The following GRIK2 variants were observed in gnomAD, a reference collection of about 807,000 sequenced individuals.
GRIK2 encodes glutamate ionotropic receptor kainate type subunit 2.
GRIK2 carries 32 observed loss-of-function variants against 100.3 expected under a neutral mutation model. The ratio of observed to expected loss-of-function variants is 0.32; its 90% confidence interval spans 0.24 to 0.43. GRIK2 has a LOEUF of 0.43. Among genes scored for constraint, GRIK2 ranks in the 20% least tolerant of loss-of-function variants. The probability of loss-of-function intolerance (pLI) is 1.00; values close to 1 mark genes in which losing one functional copy is unlikely to be tolerated. For missense variants in GRIK2, 843 were observed against 1,114.9 expected (o/e 0.76, Z 3.47); for synonymous variants, 417 against 389.4 (o/e 1.07, Z -0.83).
intron 7 of GRIK2, among the ~76,000 whole-genome samples, chr6:101,737,412 A>G (rs546668931): frequency 1.5e-4 from 23 of 152,350 alleles, no homozygotes; most frequent in Non-Finnish European, 2.9e-4. Context: ...GAGCCTCACA[A>G]TCATGGCAGA....
chr6:101,958,282 T>TGTGTGTGTGTGTGTGTGG (rs1562511065), intron 14 of GRIK2, among the ~76,000 whole-genome samples: 3 of 151,592 alleles, frequency 2.0e-5, no homozygotes, highest in Non-Finnish European at 4.4e-5. Context: ...TGTGTGTGTG[T>TGTGTGTGTGTGTGTGTGG]GGGTCCATTG....
chr6:101,859,184 C>T, intron 10 of GRIK2, 103 bp from the exon 11 acceptor site: 2 of 614,918 alleles, frequency 3.3e-6, no homozygotes, highest in South Asian at 2.2e-5. Context: ...GACTGTTGTC[C>T]TAAATTAATG....
intron 4 of GRIK2, among the ~76,000 whole-genome samples, chr6:101,671,877 A>T (rs1378022801): frequency 1.3e-5 from 2 of 152,044 alleles, no homozygotes; most frequent in Non-Finnish European, 2.9e-5. Flanking sequence ...CAACAACAAA[A>T]ACTACTTAGT....
intron 2 of GRIK2, among the ~76,000 whole-genome samples, chr6:101,505,526 A>G (rs1368415849): frequency 1.3e-5 from 2 of 152,138 alleles, no homozygotes; most frequent in Non-Finnish European, 2.9e-5. Context: ...GACATGGAAA[A>G]CTGAAATAAC....
intron 12 of GRIK2, among the ~76,000 whole-genome samples, chr6:101,919,891 A>G (rs898136694): frequency 1.4e-4 from 21 of 151,944 alleles, no homozygotes; most frequent in Non-Finnish European, 1.3e-4. Flanking sequence ...AGGTGTAAAG[A>G]TATAGGAGAA....
At chr6:101,615,504 T>A (rs990050861) in intron 2 of GRIK2, among the ~76,000 whole-genome samples, 1 of 151,814 alleles carries the variant, frequency 6.6e-6, no homozygotes, top group African/African-American at 2.4e-5. Context: ...ATTACTAAGA[T>A]GCTTCTTTAA....
chr6:101,807,743 T>C (rs1282208310), intron 9 of GRIK2, among the ~76,000 whole-genome samples: 2 of 151,934 alleles, frequency 1.3e-5, no homozygotes, highest in African/African-American at 4.8e-5. Flanking sequence ...CTGGAAGTAA[T>C]AGGATGAATC....
intron 2 of GRIK2, among the ~76,000 whole-genome samples, chr6:101,483,402 C>T (rs976045186): frequency 1.3e-5 from 2 of 152,288 alleles, no homozygotes; most frequent in Admixed American, 1.3e-4. Context: ...TATGCCACTT[C>T]TGAAGCTCTT....
At chr6:101,740,516 A>G (rs1775954428) in intron 7 of GRIK2, among the ~76,000 whole-genome samples, 2 of 152,184 alleles carry the variant, frequency 1.3e-5, no homozygotes, top group African/African-American at 4.8e-5. Context: ...TTTTTAAGCT[A>G]TGTTCAGAAC....
intron 12 of GRIK2, among the ~76,000 whole-genome samples, chr6:101,922,130 T>TCCTTCCCTC (rs1562488862): frequency 2.1e-5 from 1 of 47,038 alleles, no homozygotes; most frequent in Non-Finnish European, 4.2e-5. Context: ...CTTCCTTCCT[T>TCCTTCCCTC]CCTTCCTTCC....
At chr6:101,709,838 C>T (rs1233333812) in intron 7 of GRIK2, among the ~76,000 whole-genome samples, 2 of 151,686 alleles carry the variant, frequency 1.3e-5, no homozygotes, top group Non-Finnish European at 2.9e-5. Flanking sequence ...CAGGGTTTGG[C>T]ATAGACCTAG....
intron 2 of GRIK2, among the ~76,000 whole-genome samples, chr6:101,457,443 G>A (rs572596105): frequency 6.6e-6 from 1 of 152,168 alleles, no homozygotes; most frequent in African/African-American, 2.4e-5. Context: ...ACATACCTGA[G>A]ATTTCAGCAA....
chr6:102,006,969 T>C (rs1260849791), intron 14 of GRIK2, among the ~76,000 whole-genome samples: 1 of 152,160 alleles, frequency 6.6e-6, no homozygotes, highest in African/African-American at 2.4e-5. Flanking sequence ...TGAGACCCTT[T>C]TCAGTAATTT....
In GRIK2 at chr6:101,707,600, A is replaced by ATG. The variant is rs1222407526; in HGVS notation, c.951+21253_951+21254dup. Among the ~76,000 whole-genome samples, 522 of 122,130 alleles carry ATG rather than the reference A, an allele frequency of 4.3e-3. 4 individuals are homozygous for ATG. Among genetic ancestry groups the ATG allele is most frequent in the Middle Eastern group, 8.1e-3 (2 of 246 alleles). The allele number at this position is 122,130 out of a possible 152,430, so 80.1% of individuals were successfully genotyped here. A position where few individuals can be genotyped will look rare whatever the true frequency, so the allele number is the denominator to read the frequency against. On this transcript the variant is annotated intron_variant, in intron 7 of 16. Coordinates refer to ENST00000369134, the MANE Select transcript of GRIK2 (RefSeq NM_021956.5). ...TATGTGTGTGTGTGTGTGTGTATATATGTGTGTATATATATATATATATAT... is the reference window on the plus strand; with the variant it reads ...TATGTGTGTGTGTGTGTGTGTATATATGTGTGTGTATATATATATATATATAT...
At chr6:101,399,498 G>A in intron 2 of GRIK2, 106 bp downstream of exon 2, 1 of 720,632 alleles carries the variant, frequency 1.4e-6, no homozygotes, top group Non-Finnish European at 2.6e-6. Context: ...ATTCTGATCT[G>A]CTCACTGCTC....
intron 4 of GRIK2, among the ~76,000 whole-genome samples, chr6:101,642,671 T>G (rs535945969): frequency 6.6e-6 from 1 of 151,772 alleles, no homozygotes; most frequent in Admixed American, 6.6e-5. Flanking sequence ...ACCTTTTAGC[T>G]ATTATAAATA....
chr6:101,463,551 G>A (rs1284712424), intron 2 of GRIK2, among the ~76,000 whole-genome samples: 1 of 151,984 alleles, frequency 6.6e-6, no homozygotes, highest in Non-Finnish European at 1.5e-5. Flanking sequence ...GTTGGATTGT[G>A]GCAACATACT....
At chr6:101,954,282 T>C (rs1346688334) in intron 14 of GRIK2, among the ~76,000 whole-genome samples, 4 of 152,136 alleles carry the variant, frequency 2.6e-5, no homozygotes, top group African/African-American at 9.6e-5. Context: ...ACATGAGGTA[T>C]TAATTTTATG....
At chr6:101,714,893 A>G (rs935896377) in intron 7 of GRIK2, among the ~76,000 whole-genome samples, 5 of 151,776 alleles carry the variant, frequency 3.3e-5, no homozygotes, top group African/African-American at 9.7e-5. Context: ...AATCTGAAGC[A>G]TTTTTCCAGT....
Sources: allele counts gnomAD v4.1 joint callset (sites outside exome capture counted in the v4.1 genomes callset), GRCh38; gene constraint gnomAD v4.1.1; transcripts MANE v1.5; gene names NCBI Gene and HGNC (gene_info 2026-07-23, HGNC 2026-07-21).